SDK2: variants seen among roughly 807,000 people sequenced by gnomAD.
SDK2 encodes the protein sidekick cell adhesion molecule 2, also known as protein sidekick-2.
In SDK2, 105 loss-of-function variants were observed where a neutral mutation model predicts 253.9. That is an observed-to-expected ratio of 0.41 (90% CI 0.35 to 0.49). The LOEUF is 0.49. Among genes scored for constraint, SDK2 ranks in the 20% least tolerant of loss-of-function variants. The pLI is 0.06. For synonymous variants in SDK2, 1,249 were observed against 1,234.9 expected, an observed-to-expected ratio of 1.01 and a Z score of -0.24; for missense variants, 2,608 against 3,003.0, an observed-to-expected ratio of 0.87 and a Z score of 3.07.
At chr17:73,402,272 G>A in intron 18 of SDK2, 131 bp from the exon 19 acceptor site, 2 of 940,726 alleles carry the variant, frequency 2.1e-6, no homozygotes, top group Non-Finnish European at 3.2e-6. Context: ...TCCTCCGAGG[G>A]AAGGGACAGG....
chr17:73,504,461 A>G, intron 2 of SDK2: 1 of 89,776 alleles, frequency 1.1e-5, no homozygotes, highest in African/African-American at 3.6e-5. Flanking sequence ...CCCCGTTTCT[A>G]CTAAAAAAAA....
intron 18 of SDK2, among the ~76,000 whole-genome samples, chr17:73,412,124 A>G (rs62072151): frequency 0.54 from 38,050 of 70,042 alleles, 6,592 homozygotes; most frequent in East Asian, 0.73. Context: ...ATGTATACGT[A>G]TATATGTGTA....
Position 73,350,650 on chromosome 17 carries a change from C to A in SDK2, c.5899G>T (p.Gly1967Trp). ...SKKYAKKTDS[G>W]NSAKSGALGH... is the part of the protein sequence containing the mutation. Reference sequence around the variant, plus strand: ...GCATGGCTGGTGCCAGCTCACTCACCCGAGTCTGTCTTCTTGGCGTACTTC... The same window carrying A: ...GCATGGCTGGTGCCAGCTCACTCACACGAGTCTGTCTTCTTGGCGTACTTC... The change falls in exon 42 of 45, where the codon GGG becomes TGG. Residue 1967 changes from glycine to tryptophan, a missense_variant and splice_region_variant. By Grantham distance (184) the Gly-to-Trp change is radical (BLOSUM62 -2). This residue lies in a region of SDK2 where 1,103 missense variants were observed against 1,143.9 expected (regional missense o/e 0.96). Transcript: ENST00000392650. 2.5e-6 allele frequency: 4 copies of A among 1,609,408 alleles called. No homozygotes were observed. Among genetic ancestry groups the A allele is most frequent in the Non-Finnish European group, 3.4e-6 (4 of 1,178,040 alleles).
rs1330661068 is a variant in SDK2, at chr17:73,532,123, C to T, written c.65-24526G>A. Reference sequence around the variant, plus strand: ...TGTCCGGAGATGTTTTTGGTCGTCACAACTGGAGGGAGGGGGATGTTATTA... The same window carrying T: ...TGTCCGGAGATGTTTTTGGTCGTCATAACTGGAGGGAGGGGGATGTTATTA... On this transcript the variant is annotated intron_variant, in intron 1 of 44. Coordinates refer to ENST00000392650, the MANE Select transcript of SDK2 (RefSeq NM_001144952.2). 3.9e-5 allele frequency among the ~76,000 whole-genome samples: 6 copies of T among 152,176 alleles called. 1 individual carries two copies. The East Asian group carries it at 1.2e-3, about 29-fold the overall frequency.
At chr17:73,595,770 C>T (rs2045748892) in intron 1 of SDK2, among the ~76,000 whole-genome samples, 1 of 152,162 alleles carries the variant, frequency 6.6e-6, no homozygotes, top group African/African-American at 2.4e-5. Context: ...GGCATCCACT[C>T]CTCACCGGCA....
chr17:73,487,872 G>A (rs2063779363), intron 2 of SDK2, among the ~76,000 whole-genome samples: 1 of 152,196 alleles, frequency 6.6e-6, no homozygotes, highest in South Asian at 2.1e-4. Context: ...AAGAGTCACA[G>A]TCTTTAACAA....
In SDK2 at chr17:73,350,343, T is replaced by G. The variant is rs2062525884; in HGVS notation, c.5932A>C (p.Ser1978Arg). 1 of 1,613,762 alleles carries G rather than the reference T, an allele frequency of 6.2e-7. No individual in the cohort carries two copies. The highest frequency in any genetic ancestry group is 1.3e-5 in the African/African-American group (1 of 74,936). Reference sequence around the variant, plus strand: ...CTTTCATCCAAGCTCATCATCTCGCTGTGGCCTAGGGCTCCAGACTTGGCA... The same window carrying G: ...CTTTCATCCAAGCTCATCATCTCGCGGTGGCCTAGGGCTCCAGACTTGGCA... ...NSAKSGALGH[S>R]EMMSLDESSF... The change falls in exon 43 of 45, where the codon AGC becomes CGC. Residue 1978 changes from serine (S) to arginine (R), a missense_variant. Ser to Arg is a moderately radical substitution (Grantham distance 110). Around this residue, in one of 2 missense-constraint regions of SDK2, gnomAD observed 1,103 missense variants for 1,143.9 expected, o/e 0.96. Coordinates refer to ENST00000392650, the MANE Select transcript of SDK2 (RefSeq NM_001144952.2).
chr17:73,460,055 C>G (rs535667181), intron 3 of SDK2, among the ~76,000 whole-genome samples: 1 of 152,268 alleles, frequency 6.6e-6, no homozygotes, highest in South Asian at 2.1e-4. Context: ...CAGGTCAATT[C>G]CCCTTGAATC....
chr17:73,380,220 G>A (rs1380727791), intron 34 of SDK2, among the ~76,000 whole-genome samples: 1 of 152,174 alleles, frequency 6.6e-6, no homozygotes, highest in East Asian at 1.9e-4. Context: ...ACAGGGTTGT[G>A]AGAGGGGTGT....
chr17:73,339,515 C>G (rs920756511), intron 44 of SDK2, among the ~76,000 whole-genome samples: 4 of 100,098 alleles, frequency 4.0e-5, no homozygotes, highest in African/African-American at 1.1e-4. Flanking sequence ...AGCCACTATC[C>G]CTGGCAAATT....
chr17:73,542,550 C>T (rs996151020), intron 1 of SDK2, among the ~76,000 whole-genome samples: 70 of 152,296 alleles, frequency 4.6e-4, no homozygotes, highest in African/African-American at 1.6e-3. Flanking sequence ...GCACAGTGGC[C>T]CTCCGTGAGC....
chr17:73,636,680 CAAAAA>C (rs561026344), intron 1 of SDK2, among the ~76,000 whole-genome samples: 132 of 50,990 alleles, frequency 2.6e-3, no homozygotes, highest in African/African-American at 7.3e-3. Flanking sequence ...GACTCTGTCT[CAAAAA>C]AAAAAAAAAA....
chr17:73,403,144 C>T (rs1348746702), intron 18 of SDK2, among the ~76,000 whole-genome samples: 1 of 152,168 alleles, frequency 6.6e-6, no homozygotes, highest in African/African-American at 2.4e-5. Flanking sequence ...CAAAGAGGCT[C>T]ACACAGGTAG....
At chr17:73,543,069 A>T (rs978946895) in intron 1 of SDK2, among the ~76,000 whole-genome samples, 4 of 152,178 alleles carry the variant, frequency 2.6e-5, no homozygotes, top group African/African-American at 9.6e-5. Flanking sequence ...AAAAGAGGGG[A>T]TGGGAGAGGG....
chr17:73,482,278 A>AGAAG (rs1555588039), intron 2 of SDK2, among the ~76,000 whole-genome samples: 2 of 150,894 alleles, frequency 1.3e-5, no homozygotes, highest in Non-Finnish European at 1.5e-5. Flanking sequence ...TCAAAAAAAA[A>AGAAG]AAGAAGAAGA....
rs376687961 is a variant in SDK2 at position 73,357,061 on chromosome 17, G to A, written c.5593+1018C>T. Reference sequence around the variant, plus strand: ...GGGCCAGGGAGGGACCATCTGGAGTGGGGAGAGAGCCAGCCCCGCATGCAT... The same window carrying A: ...GGGCCAGGGAGGGACCATCTGGAGTAGGGAGAGAGCCAGCCCCGCATGCAT... On this transcript the variant is annotated intron_variant, in intron 40 of 44. Coordinates refer to ENST00000392650, the MANE Select transcript of SDK2 (RefSeq NM_001144952.2). Among the ~76,000 whole-genome samples, 16 of 152,354 alleles carry A rather than the reference G, an allele frequency of 1.1e-4. No individual in the cohort carries two copies. The South Asian group carries it at 1.5e-3, about 14-fold the overall frequency.
intron 3 of SDK2, among the ~76,000 whole-genome samples, chr17:73,460,211 G>A (rs1947439231): frequency 6.6e-6 from 1 of 152,210 alleles, no homozygotes; most frequent in Non-Finnish European, 1.5e-5. Flanking sequence ...ATGTTGTGAG[G>A]AAGCTCAATC....
At chr17:73,448,513 C>T (rs562481175) in intron 4 of SDK2, among the ~76,000 whole-genome samples, 31 of 151,616 alleles carry the variant, frequency 2.0e-4, no homozygotes, top group Admixed American at 1.5e-3. Context: ...TACAGGTGCG[C>T]GCCACTACCC....
intron 44 of SDK2, among the ~76,000 whole-genome samples, chr17:73,340,895 C>T (rs1327428678): frequency 6.6e-6 from 1 of 151,744 alleles, no homozygotes; most frequent in East Asian, 1.9e-4. Context: ...AGGCATGTGC[C>T]ACCACATCTG....
Sources: gnomAD v4.1 joint callset for allele counts (sites outside exome capture counted in the v4.1 genomes callset) on GRCh38, gnomAD v4.1.1 for gene constraint, gnomAD v4.1.1 regional missense constraint, MANE v1.5 for transcripts, NCBI Gene and HGNC (gene_info 2026-07-23, HGNC 2026-07-21) for gene names.